Variants in ERBB4 observed in about 807,000 individuals in gnomAD.
ERBB4 encodes erb-b2 receptor tyrosine kinase 4.
A neutral mutation model predicts 158.0 loss-of-function variants in ERBB4; 42 were observed. The observed-to-expected ratio is 0.27, with a 90% CI of 0.21 to 0.34. The LOEUF (loss-of-function observed/expected upper bound fraction) is 0.34. Ranked by LOEUF, ERBB4 falls within the 10% of genes least tolerant of loss-of-function variation. The probability of loss-of-function intolerance (pLI) is 1.00; values close to 1 mark genes in which losing one functional copy is unlikely to be tolerated. For synonymous variants in ERBB4, 583 were observed against 558.7 expected (o/e 1.04, Z -0.61); for missense variants, 1,333 against 1,624.1 (o/e 0.82, Z 3.08).
intron 1 of ERBB4, among the ~76,000 whole-genome samples, chr2:212,405,858 T>G (rs1366092581): frequency 1.3e-5 from 2 of 152,098 alleles, no homozygotes; most frequent in African/African-American, 2.4e-5. Flanking sequence ...TTGATGAATT[T>G]GAATACAACA....
At chr2:211,947,254 C>T (rs1379959331) in intron 3 of ERBB4, among the ~76,000 whole-genome samples, 176 bp downstream of exon 3, 1 of 152,060 alleles carries the variant, frequency 6.6e-6, no homozygotes. Flanking sequence ...CTTACAAAAT[C>T]TATAAAGAAA....
At chr2:212,495,434 C>A (rs1300337765) in intron 1 of ERBB4, among the ~76,000 whole-genome samples, 1 of 152,092 alleles carries the variant, frequency 6.6e-6, no homozygotes, top group Non-Finnish European at 1.5e-5. Flanking sequence ...AATTATGAAC[C>A]TACTATTTTA....
At chr2:211,623,681 A>T (rs1235475119) in intron 18 of ERBB4, among the ~76,000 whole-genome samples, 1 of 152,174 alleles carries the variant, frequency 6.6e-6, no homozygotes, top group Non-Finnish European at 1.5e-5. Context: ...GTATTAAGAA[A>T]AAAACTATAC....
intron 20 of ERBB4, among the ~76,000 whole-genome samples, chr2:211,453,928 TAA>T (rs1446622512): frequency 5.3e-5 from 8 of 152,282 alleles, no homozygotes; most frequent in Admixed American, 5.2e-4. Context: ...TTAGGAATAG[TAA>T]AAATACAGAA....
intron 4 of ERBB4, among the ~76,000 whole-genome samples, chr2:211,765,876 G>A (rs1157024883): frequency 6.6e-6 from 1 of 152,114 alleles, no homozygotes; most frequent in Non-Finnish European, 1.5e-5. Context: ...GTTTAATGCT[G>A]TATTCTAATT....
intron 1 of ERBB4, among the ~76,000 whole-genome samples, chr2:212,155,827 T>G (rs1046114751): frequency 6.6e-6 from 1 of 152,134 alleles, no homozygotes; most frequent in Non-Finnish European, 1.5e-5. Context: ...TTATTGACAT[T>G]GATGGCTACT....
chr2:212,433,064 G>T (rs929345872), intron 1 of ERBB4, among the ~76,000 whole-genome samples: 16 of 151,994 alleles, frequency 1.1e-4, no homozygotes, highest in African/African-American at 3.6e-4. Flanking sequence ...TGGTAGAAAA[G>T]TTATTTATAA....
chr2:211,728,081 A>G (rs1382122642), intron 5 of ERBB4, among the ~76,000 whole-genome samples: 1 of 151,876 alleles, frequency 6.6e-6, no homozygotes, highest in Admixed American at 6.6e-5. Context: ...TAAGTCTTTG[A>G]CCAAATCACA....
intron 25 of ERBB4, among the ~76,000 whole-genome samples, chr2:211,400,531 C>T (rs566063569): frequency 7.2e-5 from 11 of 152,022 alleles, no homozygotes; most frequent in Non-Finnish European, 1.6e-4. Context: ...GCACAGAAGA[C>T]AAACTTTGCA....
intron 1 of ERBB4, among the ~76,000 whole-genome samples, chr2:212,459,888 G>A (rs1483799647): frequency 3.3e-5 from 5 of 152,068 alleles, no homozygotes; most frequent in African/African-American, 1.2e-4. Flanking sequence ...ATACCCATAT[G>A]GAAAATAATA....
At chr2:212,134,151 T>G (rs960403393) in intron 1 of ERBB4, among the ~76,000 whole-genome samples, 1 of 152,146 alleles carries the variant, frequency 6.6e-6, no homozygotes, top group Admixed American at 6.5e-5. Flanking sequence ...ATTTCAGACT[T>G]GAATATTGCA....
rs147932949 is a variant in ERBB4, at chr2:212,331,071, T to TATATATATATAC, written c.83-206169_83-206168insGTATATATATAT. Reference sequence around the variant, plus strand: ...TATTTGTAATTTGTATATATATATATACACATATATATATATGCCCATAAC... The same window carrying TATATATATATAC: ...TATTTGTAATTTGTATATATATATATATATATATATACACACATATATATATATGCCCATAAC... On this transcript the variant is annotated intron_variant, in intron 1 of 27. Transcript: ENST00000342788. Among the ~76,000 whole-genome samples, 133 of 119,970 alleles carry TATATATATATAC rather than the reference T, an allele frequency of 1.1e-3. 9 individuals carry two copies. Among genetic ancestry groups the TATATATATATAC allele is most frequent in the Admixed American group, 3.0e-3 (33 of 11,138 alleles). The allele number at this position is 119,970 out of a possible 152,430, so 78.7% of individuals were successfully genotyped here.
chr2:212,297,666 T>C (rs6726721), intron 1 of ERBB4, among the ~76,000 whole-genome samples: 110,790 of 151,704 alleles, frequency 0.73, 45,212 homozygotes, highest in Non-Finnish European at 0.9. Flanking sequence ...TTACAGTTTT[T>C]AGATAAACAT....
Position 211,383,432 on chromosome 2 carries a change from T to C in ERBB4, c.*183A>G. ...ATTGTGGTTCCTCCTATCTTTCTCT[T>C]TCAGTCTTTCCCTCTAATGTTCAAG... is the stretch of plus-strand genomic sequence containing the variant. On this transcript the variant is annotated 3_prime_UTR_variant, in exon 28 of 28. Coordinates refer to ENST00000342788, the MANE Select transcript of ERBB4 (RefSeq NM_005235.3). 3.3e-6 allele frequency: 2 copies of C among 606,696 alleles called. No homozygotes were observed. Among genetic ancestry groups the C allele is most frequent in the East Asian group, 2.8e-5 (1 of 35,656 alleles). 37.6% of individuals were successfully genotyped at this position (606,696 alleles called of 1,614,324 possible).
At chr2:211,432,972 T>C (rs2063774990) in intron 20 of ERBB4, among the ~76,000 whole-genome samples, 1 of 152,144 alleles carries the variant, frequency 6.6e-6, no homozygotes, top group Non-Finnish European at 1.5e-5. Flanking sequence ...CTAGCAAGTA[T>C]GCGTGAGAGG....
chr2:211,839,339 A>C (rs535175624), intron 3 of ERBB4, among the ~76,000 whole-genome samples: 1 of 149,798 alleles, frequency 6.7e-6, no homozygotes, highest in African/African-American at 2.4e-5. Flanking sequence ...GTAGCTCTTC[A>C]TGGAGAATAG....
intron 1 of ERBB4, among the ~76,000 whole-genome samples, chr2:212,383,072 G>A (rs1004734533): frequency 1.1e-4 from 16 of 151,040 alleles, no homozygotes; most frequent in Non-Finnish European, 2.1e-4. Flanking sequence ...TTTAAGCTTA[G>A]AGAGTCTTTA....
intron 19 of ERBB4, among the ~76,000 whole-genome samples, chr2:211,592,579 G>A (rs2068506826): frequency 6.6e-6 from 1 of 151,704 alleles, no homozygotes; most frequent in South Asian, 2.1e-4. Context: ...AAGACAAAGA[G>A]GATTTCAAGG....
intron 19 of ERBB4, among the ~76,000 whole-genome samples, chr2:211,591,459 C>T: frequency 6.6e-6 from 1 of 152,212 alleles, no homozygotes; most frequent in Admixed American, 6.5e-5. Context: ...TACCACTATA[C>T]TGTTGCATGG....
Sources: gnomAD v4.1 joint callset for allele counts (sites outside exome capture counted in the v4.1 genomes callset) on GRCh38, gnomAD v4.1.1 for gene constraint, MANE v1.5 for transcripts, NCBI Gene and HGNC (gene_info 2026-07-23, HGNC 2026-07-21) for gene names.